The following HPSE2 variants were observed in gnomAD, a reference collection of about 807,000 sequenced individuals.
HPSE2 encodes inactive heparanase-2.
HPSE2 carries 38 observed loss-of-function variants against 60.5 expected under a neutral mutation model. The observed-to-expected ratio is 0.63, with a 90% CI of 0.48 to 0.82. HPSE2 has a LOEUF of 0.82. Ranked by LOEUF, HPSE2 falls within the 40% of genes least tolerant of loss-of-function variation. HPSE2 has a pLI of 0.00. For missense variants in HPSE2, 713 were observed against 740.4 expected, an observed-to-expected ratio of 0.96 and a Z score of 0.43; for synonymous variants, 295 against 293.2, an observed-to-expected ratio of 1.01 and a Z score of -0.06.
At chr10:98,770,207 C>A (rs1020371406) in intron 3 of HPSE2, among the ~76,000 whole-genome samples, 4 of 152,062 alleles carry the variant, frequency 2.6e-5, no homozygotes, top group Admixed American at 1.3e-4. Context: ...AAGAAAGCCA[C>A]AAGTGAGGGT....
intron 3 of HPSE2, among the ~76,000 whole-genome samples, chr10:98,762,536 A>G (rs965719204): frequency 1.6e-4 from 24 of 152,178 alleles, no homozygotes; most frequent in African/African-American, 5.8e-4. Context: ...AGAAGCACAG[A>G]AAAGTATTTA....
intron 3 of HPSE2, among the ~76,000 whole-genome samples, chr10:99,130,636 AG>A (rs1305297001): frequency 6.6e-6 from 1 of 152,098 alleles, no homozygotes; most frequent in Non-Finnish European, 1.5e-5. Context: ...TAGGAAGGGG[AG>A]GGGGGCGTCT....
chr10:99,099,134 AGACAGTGGGTGCAG>A (rs926019260), intron 3 of HPSE2, among the ~76,000 whole-genome samples: 3 of 152,178 alleles, frequency 2.0e-5, no homozygotes, highest in Non-Finnish European at 2.9e-5. Context: ...GGGGCTTGTC[AGACAGTGGGTGCAG>A]GACAGTGGGT....
chr10:98,740,791 T>A (rs531586763), intron 4 of HPSE2, among the ~76,000 whole-genome samples: 1 of 152,288 alleles, frequency 6.6e-6, no homozygotes, highest in East Asian at 1.9e-4. Flanking sequence ...ATATAATGAT[T>A]AAATGATTAC....
intron 3 of HPSE2, among the ~76,000 whole-genome samples, chr10:98,976,113 G>A (rs1368914988): frequency 6.6e-6 from 1 of 151,920 alleles, no homozygotes; most frequent in Admixed American, 6.6e-5. Context: ...TTAATACAAC[G>A]ATCTCTGAGA....
intron 6 of HPSE2, among the ~76,000 whole-genome samples, chr10:98,644,938 A>C (rs1946728979): frequency 6.6e-6 from 1 of 152,206 alleles, no homozygotes; most frequent in Admixed American, 6.5e-5. Context: ...GAGGAGATAC[A>C]GGCATGGAAA....
intron 9 of HPSE2, among the ~76,000 whole-genome samples, chr10:98,604,626 C>T (rs570922729): frequency 6.6e-6 from 1 of 152,306 alleles, no homozygotes; most frequent in East Asian, 1.9e-4. Context: ...TAACAAAAGA[C>T]AGTCGTAAGT....
chr10:98,770,861 G>A (rs1003111973), intron 3 of HPSE2, among the ~76,000 whole-genome samples: 5 of 152,254 alleles, frequency 3.3e-5, no homozygotes, highest in South Asian at 4.1e-4. Flanking sequence ...TCAACCAAAA[G>A]GGAAAAGGGG....
chr10:98,495,435 A>T (rs1022238567), intron 9 of HPSE2, among the ~76,000 whole-genome samples: 5 of 152,144 alleles, frequency 3.3e-5, no homozygotes, highest in Admixed American at 3.3e-4. Flanking sequence ...CAAATTTGAG[A>T]CGTTTTCAGC....
intron 3 of HPSE2, among the ~76,000 whole-genome samples, chr10:98,950,101 C>T (rs556765197): frequency 2.6e-5 from 4 of 152,204 alleles, no homozygotes; most frequent in South Asian, 4.1e-4. Context: ...TAGTCTCTCA[C>T]GTTGAGCTTC....
intron 3 of HPSE2, among the ~76,000 whole-genome samples, chr10:98,881,651 T>G (rs1055393435): frequency 2.0e-5 from 3 of 152,066 alleles, no homozygotes; most frequent in Non-Finnish European, 4.4e-5. Context: ...CATATATAAC[T>G]ATTGCTTTCT....
At chr10:99,074,978 G>A (rs1842911431) in intron 3 of HPSE2, among the ~76,000 whole-genome samples, 1 of 151,740 alleles carries the variant, frequency 6.6e-6, no homozygotes, top group South Asian at 2.1e-4. Flanking sequence ...TGTTGATTTT[G>A]TTGCTCTTTT....
At chr10:98,705,037 T>C (rs187101949) in intron 5 of HPSE2, among the ~76,000 whole-genome samples, 82 of 152,184 alleles carry the variant, frequency 5.4e-4, no homozygotes, top group Non-Finnish European at 8.1e-4. Flanking sequence ...ATCCAGAATC[T>C]ACAAGGAACT....
chr10:98,733,935 C>A lies in HPSE2; in HGVS notation c.784+9948G>T, dbSNP rs1190962984. On this transcript the variant is annotated intron_variant, in intron 4 of 11. Transcript: ENST00000370552. The stretch of plus-strand genomic sequence containing the variant: ...TTTTTAGTATTTTCACACAGTTGTG[C>A]AACCATCACAACACATTTTAGAACA... Among the ~76,000 whole-genome samples, 3 of 152,274 alleles carry A rather than the reference C, an allele frequency of 2.0e-5. No homozygotes were observed. The East Asian group carries it at 5.8e-4, about 29-fold the overall frequency.
Position 99,007,633 on chromosome 10 carries a change from T to C in HPSE2, c.610+136605A>G, listed in dbSNP as rs183737307. 4.3e-4 allele frequency among the ~76,000 whole-genome samples: 66 copies of C among 152,320 alleles called. 1 individual carries two copies. The highest frequency in any genetic ancestry group is 3.0e-3 in the Admixed American group (46 of 15,294). On this transcript the variant is annotated intron_variant, in intron 3 of 11. Transcript: ENST00000370552. ...ATCTGGACTTTAGTTAATTAAAATATATATAAATAAGAGATGGCAGGCCAG... is the reference window on the plus strand; with the variant it reads ...ATCTGGACTTTAGTTAATTAAAATACATATAAATAAGAGATGGCAGGCCAG...
intron 3 of HPSE2, among the ~76,000 whole-genome samples, chr10:99,118,320 G>A (rs1307522543): frequency 2.6e-5 from 4 of 151,760 alleles, no homozygotes; most frequent in African/African-American, 4.8e-5. Flanking sequence ...TCAGGAGATC[G>A]AGACCATCCT....
At chr10:98,488,275 G>A (rs958133175) in intron 10 of HPSE2, among the ~76,000 whole-genome samples, 5 of 152,162 alleles carry the variant, frequency 3.3e-5, no homozygotes, top group South Asian at 2.1e-4. Flanking sequence ...GGCTGATGTC[G>A]TAATATCAAA....
At chr10:98,621,294 T>C (rs1275482812) in intron 7 of HPSE2, among the ~76,000 whole-genome samples, 2 of 152,086 alleles carry the variant, frequency 1.3e-5, no homozygotes, top group South Asian at 2.1e-4. Context: ...CAGGGAATAA[T>C]TGCATGCCTT....
At chr10:98,940,031 C>T (rs1467118406) in intron 3 of HPSE2, among the ~76,000 whole-genome samples, 1 of 143,104 alleles carries the variant, frequency 7.0e-6, no homozygotes, top group East Asian at 2.0e-4. Flanking sequence ...CCTTTGAAAC[C>T]AACGAGAACA....
Sources: gnomAD v4.1 joint callset for allele counts (sites outside exome capture counted in the v4.1 genomes callset) on GRCh38, gnomAD v4.1.1 for gene constraint, MANE v1.5 for transcripts, NCBI Gene and HGNC (gene_info 2026-07-23, HGNC 2026-07-21) for gene names.